The following TJP2 variants were observed in gnomAD, a reference collection of about 807,000 sequenced individuals.
TJP2 encodes the protein Friedreich ataxia region gene X104 (tight junction protein ZO-2).
Under a neutral mutation model 133.1 loss-of-function variants are expected in TJP2, and 91 were observed. The ratio of observed to expected loss-of-function variants is 0.68; its 90% CI spans 0.58 to 0.81. The LOEUF (loss-of-function observed/expected upper bound fraction) is 0.81. TJP2 is among the 40% of genes least tolerant of loss of function. TJP2 has a pLI of 0.00. For missense variants in TJP2, 1,541 were observed against 1,565.6 expected (o/e 0.98, Z 0.26); for synonymous variants, 592 against 583.4 (o/e 1.01, Z -0.21).
intron 1 of TJP2, among the ~76,000 whole-genome samples, chr9:69,150,710 CA>C (rs1335556107): frequency 5.9e-5 from 9 of 152,116 alleles, no homozygotes; most frequent in African/African-American, 2.2e-4. Context: ...CTGGTGATAC[CA>C]AAGTTTAGGT....
intron 1 of TJP2, among the ~76,000 whole-genome samples, chr9:69,211,068 G>C (rs969806039): frequency 6.6e-6 from 1 of 152,172 alleles, no homozygotes; most frequent in Admixed American, 6.5e-5. Context: ...CGGGTGGCTT[G>C]GTGGCTCATG....
At position 69,234,555 on chromosome 9, in the gene TJP2, A is replaced by T. The variant is rs1830037496; in HGVS notation, c.1780+8A>T. The T allele has an allele frequency of 1.5e-6, 1 of 664,356 alleles. No homozygotes were observed. The highest frequency in any genetic ancestry group is 2.4e-6 in the Non-Finnish European group (1 of 413,238). The allele number at this position is 664,356 out of a possible 1,614,324, so 41.2% of individuals were successfully genotyped here. On this transcript the variant is annotated splice_region_variant and intron_variant, in intron 12 of 22. Transcript: ENST00000377245. ...CTCAGAGCCGAGCCGATGGTGAGCAAATTTGGTCATTTAGTTTAGTTGGGG... is the reference window on the plus strand; with the variant it reads ...CTCAGAGCCGAGCCGATGGTGAGCATATTTGGTCATTTAGTTTAGTTGGGG...
At chr9:69,207,347 A>G (rs1455929538) in intron 1 of TJP2, among the ~76,000 whole-genome samples, 2 of 152,084 alleles carry the variant, frequency 1.3e-5, no homozygotes, top group Admixed American at 1.3e-4. Context: ...GCTCAACTTT[A>G]TGTTTGAGAT....
intron 1 of TJP2, among the ~76,000 whole-genome samples, chr9:69,124,991 C>T (rs1165935985): frequency 1.3e-5 from 1 of 76,564 alleles, no homozygotes; most frequent in East Asian, 3.9e-4. Flanking sequence ...TCGCTCTTGT[C>T]ACCCAGGCTG....
At chr9:69,141,688 T>C (rs1823025128) in intron 1 of TJP2, among the ~76,000 whole-genome samples, 2 of 152,168 alleles carry the variant, frequency 1.3e-5, no homozygotes, top group African/African-American at 4.8e-5. Context: ...ACCTCCTGGT[T>C]CAAGCGATTC....
chr9:69,221,068 C>T lies in TJP2; in HGVS notation c.524C>T (p.Pro175Leu), dbSNP rs754300892. 144 of 1,595,992 alleles carry T rather than the reference C, an allele frequency of 9.0e-5. 1 individual carries two copies. Among genetic ancestry groups the T allele is most frequent in the South Asian group, 5.7e-4 (51 of 88,808 alleles). The change falls in exon 5 of 23, where the codon CCG becomes CTG. Residue 175 changes from proline to leucine, a missense_variant. Pro to Leu is a moderately conservative substitution (Grantham distance 98, BLOSUM62 -3). Transcript: ENST00000377245. ...CGCAGCCGCAGCTGGGAGGACAGCCCGGAAAGGGGGCGTCCCCATGAGCGG... is the reference window on the plus strand; with the variant it reads ...CGCAGCCGCAGCTGGGAGGACAGCCTGGAAAGGGGGCGTCCCCATGAGCGG... ...GGRSRSWEDS[P>L]ERGRPHERAR...
intron 1 of TJP2, among the ~76,000 whole-genome samples, chr9:69,132,732 G>T (rs1313580880): frequency 6.6e-6 from 1 of 152,186 alleles, no homozygotes; most frequent in Non-Finnish European, 1.5e-5. Context: ...CACTTCTAGA[G>T]GGAATGAATG....
intron 1 of TJP2, among the ~76,000 whole-genome samples, chr9:69,179,220 A>G (rs1181877684): frequency 6.6e-6 from 1 of 152,214 alleles, no homozygotes; most frequent in Non-Finnish European, 1.5e-5. Context: ...CTTGTACTTT[A>G]GTCATTTAAA....
intron 22 of TJP2, 28 bp downstream of exon 22, chr9:69,252,928 T>G (rs1185898464): frequency 3.1e-6 from 5 of 1,606,698 alleles, no homozygotes; most frequent in South Asian, 1.1e-5. Context: ...GGTACAGGTC[T>G]AAGGCGGGGA....
At chr9:69,229,033 C>T in intron 9 of TJP2, 151 bp from the exon 10 acceptor site, 1 of 737,474 alleles carries the variant, frequency 1.4e-6, no homozygotes, top group Non-Finnish European at 2.4e-6. Context: ...GCTAATACTT[C>T]AGAGTTAAAC....
intron 9 of TJP2, among the ~76,000 whole-genome samples, chr9:69,228,387 G>T (rs1172415188): frequency 6.6e-6 from 1 of 152,204 alleles, no homozygotes; most frequent in Non-Finnish European, 1.5e-5. Flanking sequence ...GAGATGGAAA[G>T]GGTTGAAAAA....
chr9:69,208,238 T>C (rs779510332), intron 1 of TJP2, among the ~76,000 whole-genome samples: 7 of 152,250 alleles, frequency 4.6e-5, no homozygotes, highest in Admixed American at 2.0e-4. Flanking sequence ...AGATTTTCTC[T>C]TTATCACTTG....
chr9:69,171,789 ATTTTTTTTTTTTTT>A (rs34717893), upstream of TJP2, among the ~76,000 whole-genome samples: 4 of 86,758 alleles, frequency 4.6e-5, no homozygotes, highest in East Asian at 4.1e-4. Flanking sequence ...GAGTAGAAGA[ATTTTTTTTTTTTTT>A]TTTTTTTTTT....
At chr9:69,229,139 C>T in intron 9 of TJP2, 45 bp from the exon 10 acceptor site, 1 of 1,565,774 alleles carries the variant, frequency 6.4e-7, no homozygotes, top group Non-Finnish European at 8.8e-7. Context: ...GAAACGCACT[C>T]TTGTTAGTCC....
At chr9:69,246,402 T>C in intron 17 of TJP2, 1 of 397,234 alleles carries the variant, frequency 2.5e-6, no homozygotes, top group Non-Finnish European at 4.8e-6. Context: ...CGAAAACACA[T>C]GTTCTTAAAA....
chr9:69,130,442 C>G (rs1564367048), intron 1 of TJP2, among the ~76,000 whole-genome samples: 1 of 152,142 alleles, frequency 6.6e-6, no homozygotes, highest in Non-Finnish European at 1.5e-5. Context: ...GAAGGCTTGT[C>G]AAAATACAGA....
Position 69,151,638 on chromosome 9 carries a change from C to T in TJP2, c.-130-13C>T, listed in dbSNP as rs1415906863. On this transcript the variant is annotated splice_polypyrimidine_tract_variant and intron_variant, in intron 1 of 5. Coordinates refer to the TJP2 transcript ENST00000423935. ...TGAGCATGTTGGATTTTTAACAACA[C>T]TGTCTTTTCCAGGGTGCGAAGTACC... 2.4e-6 allele frequency: 3 copies of T among 1,232,002 alleles called. No homozygotes were observed. The East Asian group carries it at 9.5e-5, about 39-fold the overall frequency. The allele number at this position is 1,232,002 out of a possible 1,614,324, so 76.3% of individuals were successfully genotyped here.
At chr9:69,239,867 TAAAAC>T (rs748372069) in intron 16 of TJP2, 65 bp from the exon 17 acceptor site, 88 of 1,250,306 alleles carry the variant, frequency 7.0e-5, no homozygotes, top group Non-Finnish European at 8.8e-5. Flanking sequence ...CTTTACTTAT[TAAAAC>T]AAAGTATTTG....
chr9:69,181,326 G>A (rs1036867285), intron 1 of TJP2, among the ~76,000 whole-genome samples: 1 of 134,236 alleles, frequency 7.4e-6, no homozygotes, highest in African/African-American at 2.8e-5. Flanking sequence ...TCAGCTCACT[G>A]CAACGTCTGC....
Sources: allele counts gnomAD v4.1 joint callset (sites outside exome capture counted in the v4.1 genomes callset), GRCh38; gene constraint gnomAD v4.1.1; transcripts MANE v1.5; gene names NCBI Gene and HGNC (gene_info 2026-07-23, HGNC 2026-07-21).